The following GALNT13 variants were observed in gnomAD, a reference collection of about 807,000 sequenced individuals.
GALNT13 encodes the protein polypeptide N-acetylgalactosaminyltransferase 13.
Under a neutral mutation model 64.2 loss-of-function variants are expected in GALNT13, and 28 were observed. That is an observed-to-expected ratio of 0.44 (90% CI 0.32 to 0.60). The LOEUF (loss-of-function observed/expected upper bound fraction) is 0.60, where lower values mean the gene tolerates loss of function less well. Among genes scored for constraint, GALNT13 ranks in the 20% least tolerant of loss-of-function variants. The pLI, the probability that GALNT13 is intolerant of heterozygous loss-of-function variation, is 0.05. For synonymous variants in GALNT13, 214 were observed against 224.6 expected (o/e 0.95, Z 0.42); for missense variants, 577 against 669.8 (o/e 0.86, Z 1.53).
the GALNT13 span, among the ~76,000 whole-genome samples, chr2:153,345,378 C>T: frequency 6.6e-6 from 1 of 152,038 alleles, no homozygotes; most frequent in Non-Finnish European, 1.5e-5. Context: ...AGTTGGTTGC[C>T]CTGATTTTGC....
chr2:153,257,059 C>T, the GALNT13 span, among the ~76,000 whole-genome samples: 61 of 152,328 alleles, frequency 4.0e-4, no homozygotes, highest in African/African-American at 1.3e-3. Flanking sequence ...GCCTCGCTGC[C>T]GCCTTGCAAT....
chr2:154,062,979 T>C (rs1417186356), intron 3 of GALNT13, among the ~76,000 whole-genome samples: 1 of 152,280 alleles, frequency 6.6e-6, no homozygotes, highest in East Asian at 1.9e-4. Flanking sequence ...ATTATTTATA[T>C]AGTGAACAGG....
the GALNT13 span, among the ~76,000 whole-genome samples, chr2:153,609,642 A>G: frequency 6.3e-4 from 96 of 152,308 alleles, no homozygotes; most frequent in Non-Finnish European, 1.3e-3. Flanking sequence ...ACTAGAGAGC[A>G]GTCTTAGGTA....
chr2:154,102,299 A>G (rs1702389818), intron 3 of GALNT13, among the ~76,000 whole-genome samples: 1 of 152,138 alleles, frequency 6.6e-6, no homozygotes, highest in Non-Finnish European at 1.5e-5. Flanking sequence ...GAGGTCAACC[A>G]ACTCAATCCA....
At chr2:154,058,591 A>G (rs1474746342) in intron 3 of GALNT13, among the ~76,000 whole-genome samples, 1 of 152,134 alleles carries the variant, frequency 6.6e-6, no homozygotes, top group African/African-American at 2.4e-5. Context: ...GAGCAAACAC[A>G]TGAAGTTTGT....
the GALNT13 span, among the ~76,000 whole-genome samples, chr2:153,638,361 G>A: frequency 6.6e-6 from 1 of 152,130 alleles, no homozygotes. Context: ...AGGCAATAGA[G>A]GAAGCAGAGG....
At chr2:153,737,320 T>C in the GALNT13 span, among the ~76,000 whole-genome samples, 6 of 152,230 alleles carry the variant, frequency 3.9e-5, no homozygotes, top group Admixed American at 3.3e-4. Flanking sequence ...TTTTCTCTAC[T>C]CTTATTACCT....
chr2:153,749,009 A>G, the GALNT13 span, among the ~76,000 whole-genome samples: 3 of 152,038 alleles, frequency 2.0e-5, no homozygotes, highest in Admixed American at 1.3e-4. Context: ...TTTTGTATAT[A>G]GTGAGGGGGA....
the GALNT13 span, among the ~76,000 whole-genome samples, chr2:153,409,805 G>A: frequency 2.8e-3 from 424 of 152,176 alleles, 17 homozygotes; most frequent in East Asian, 0.074. Flanking sequence ...GTATAATTAA[G>A]AATAAAAATG....
chr2:154,170,849 A>G (rs534179547), intron 4 of GALNT13, among the ~76,000 whole-genome samples: 3 of 152,310 alleles, frequency 2.0e-5, no homozygotes, highest in African/African-American at 4.8e-5. Flanking sequence ...TCCAGTGCCA[A>G]TAATAAAAAG....
At chr2:153,650,332 T>C in the GALNT13 span, among the ~76,000 whole-genome samples, 1 of 152,168 alleles carries the variant, frequency 6.6e-6, no homozygotes, top group Non-Finnish European at 1.5e-5. Context: ...TCTTCCTCCA[T>C]CCTTTTATTT....
chr2:153,802,281 A>C, the GALNT13 span, among the ~76,000 whole-genome samples: 3 of 152,236 alleles, frequency 2.0e-5, no homozygotes, highest in African/African-American at 7.2e-5. Context: ...AGATGTAATC[A>C]GAAGCTAAAA....
At chr2:153,308,191 T>C in the GALNT13 span, among the ~76,000 whole-genome samples, 84 of 152,322 alleles carry the variant, frequency 5.5e-4, no homozygotes, top group African/African-American at 1.9e-3. Flanking sequence ...CCTAGACTTA[T>C]CTTTTAAGCA....
the GALNT13 span, among the ~76,000 whole-genome samples, chr2:153,678,747 GTATT>G: frequency 2.6e-5 from 4 of 152,094 alleles, no homozygotes; most frequent in East Asian, 5.8e-4. Context: ...GTTGGCTATT[GTATT>G]TATTTATAAG....
At chr2:153,872,966 C>T (rs1237565014) in intron 1 of GALNT13, among the ~76,000 whole-genome samples, 1 of 152,018 alleles carries the variant, frequency 6.6e-6, no homozygotes, top group Non-Finnish European at 1.5e-5. Context: ...ATTCTGTTTC[C>T]CTCTTTCTTT....
intron 3 of GALNT13, among the ~76,000 whole-genome samples, chr2:153,951,596 AGTTT>A (rs749251756): frequency 1.3e-5 from 2 of 152,076 alleles, no homozygotes; most frequent in Non-Finnish European, 2.9e-5. Context: ...TTTTTGCAGA[AGTTT>A]GTTTGATCCA....
At chr2:153,664,760 A>G in the GALNT13 span, among the ~76,000 whole-genome samples, 9 of 152,178 alleles carry the variant, frequency 5.9e-5, no homozygotes, top group Non-Finnish European at 1.2e-4. Flanking sequence ...CCACGGCTTC[A>G]GCCAGTCCCT....
chr2:153,345,647 CTTTCTT>C, the GALNT13 span, among the ~76,000 whole-genome samples: 1 of 118,188 alleles, frequency 8.5e-6, no homozygotes, highest in Non-Finnish European at 1.8e-5. Flanking sequence ...TTCTTTCTTT[CTTTCTT>C]TCTTTCTTTC....
the GALNT13 span, among the ~76,000 whole-genome samples, chr2:153,107,842 G>A: frequency 3.9e-5 from 6 of 152,106 alleles, no homozygotes; most frequent in Non-Finnish European, 8.8e-5. Flanking sequence ...TTAAGGTTTG[G>A]CACAGAAAAT....
Sources: allele counts gnomAD v4.1 joint callset (sites outside exome capture counted in the v4.1 genomes callset), GRCh38; gene constraint gnomAD v4.1.1; transcripts MANE v1.5; gene names NCBI Gene and HGNC (gene_info 2026-07-23, HGNC 2026-07-21).